The following MCUB variants were observed in gnomAD, a reference collection of about 807,000 sequenced individuals.
MCUB encodes mitochondrial calcium uniporter dominant negative subunit beta, also known as calcium uniporter regulatory subunit MCUb, mitochondrial.
Under a neutral mutation model 41.4 loss-of-function variants are expected in MCUB, and 46 were observed. The ratio of observed to expected loss-of-function variants is 1.11; its 90% confidence interval spans 0.88 to 1.42. The LOEUF is 1.42. Among genes scored for constraint, MCUB ranks in the 40% most tolerant of loss-of-function variants. The probability of loss-of-function intolerance (pLI) is 0.00; values close to 1 mark genes in which losing one functional copy is unlikely to be tolerated. For synonymous variants in MCUB, 148 were observed against 148.2 expected, an observed-to-expected ratio of 1.00 and a Z score of 0.01; for missense variants, 403 against 404.9, an observed-to-expected ratio of 1.00 and a Z score of 0.04.
chr4:109,612,902 C>G (rs185161434), intron 1 of MCUB, among the ~76,000 whole-genome samples: 1 of 152,062 alleles, frequency 6.6e-6, no homozygotes, highest in Non-Finnish European at 1.5e-5. Context: ...GTCAGGAGAT[C>G]AAGACCATCC....
At chr4:109,635,841 C>G (rs755436609) in intron 1 of MCUB, among the ~76,000 whole-genome samples, 1 of 152,176 alleles carries the variant, frequency 6.6e-6, no homozygotes, top group Non-Finnish European at 1.5e-5. Context: ...ATCATTTGTA[C>G]TGATGATGAA....
intron 1 of MCUB, among the ~76,000 whole-genome samples, chr4:109,583,047 C>T (rs1188887525): frequency 6.6e-6 from 1 of 152,164 alleles, no homozygotes; most frequent in Non-Finnish European, 1.5e-5. Flanking sequence ...GCAATGTGGA[C>T]TCTTTTTTGG....
chr4:109,591,203 T>G (rs1229156341), intron 1 of MCUB, among the ~76,000 whole-genome samples: 1 of 151,146 alleles, frequency 6.6e-6, no homozygotes, highest in Non-Finnish European at 1.5e-5. Flanking sequence ...TTTTTTTTCC[T>G]TTGAGACAGT....
chr4:109,599,066 GA>G (rs1395612146), intron 1 of MCUB, among the ~76,000 whole-genome samples: 1 of 152,084 alleles, frequency 6.6e-6, no homozygotes, highest in Non-Finnish European at 1.5e-5. Flanking sequence ...TTCATCTGGG[GA>G]AAAAAGGTGA....
intron 4 of MCUB, among the ~76,000 whole-genome samples, chr4:109,670,483 T>A (rs1348937953): frequency 6.6e-6 from 1 of 152,098 alleles, no homozygotes; most frequent in Non-Finnish European, 1.5e-5. Context: ...TTTGAGAGGC[T>A]GAGGGAGTGG....
chr4:109,609,864 T>C (rs571323745), intron 1 of MCUB, among the ~76,000 whole-genome samples: 2 of 152,128 alleles, frequency 1.3e-5, no homozygotes, highest in Non-Finnish European at 2.9e-5. Context: ...TTCAGTGCAG[T>C]GAGTTCCCCG....
At chr4:109,582,173 T>C (rs1204783194) in intron 1 of MCUB, among the ~76,000 whole-genome samples, 1 of 151,914 alleles carries the variant, frequency 6.6e-6, no homozygotes, top group Admixed American at 6.6e-5. Context: ...GTGGCACATA[T>C]ACACCATGGA....
At chr4:109,616,694 A>G (rs1430647153) in intron 1 of MCUB, among the ~76,000 whole-genome samples, 2 of 152,216 alleles carry the variant, frequency 1.3e-5, no homozygotes, top group Admixed American at 1.3e-4. Flanking sequence ...GCATTCAGAA[A>G]TAACCATATT....
rs138078763 is a variant in MCUB at position 109,589,231 on chromosome 4, C to T, written c.99+28795C>T. 1.6e-3 allele frequency among the ~76,000 whole-genome samples: 238 copies of T among 152,264 alleles called. 1 individual carries two copies. Among genetic ancestry groups the T allele is most frequent in the African/African-American group, 5.2e-3 (215 of 41,550 alleles). The stretch of plus-strand genomic sequence containing the variant: ...GCAGACCATGCCCGGCCCAGTAGTT[C>T]CTCCTTGTGTGAATGAGTAGGGTGG... On this transcript the variant is annotated intron_variant, in intron 1 of 7. Transcript: ENST00000394650.
intron 1 of MCUB, among the ~76,000 whole-genome samples, chr4:109,625,747 A>G (rs1430582775): frequency 1.3e-5 from 2 of 152,210 alleles, no homozygotes; most frequent in Non-Finnish European, 2.9e-5. Flanking sequence ...TGCATTATAT[A>G]GCAAATATAA....
intron 1 of MCUB, among the ~76,000 whole-genome samples, chr4:109,658,352 C>T (rs1292366536): frequency 6.6e-6 from 1 of 151,652 alleles, no homozygotes; most frequent in Non-Finnish European, 1.5e-5. Flanking sequence ...GGCTGGAGTG[C>T]AATGATGGGA....
intron 2 of MCUB, among the ~76,000 whole-genome samples, chr4:109,659,697 C>CTCAGGCTGGAGTGCCACT (rs1165368710): frequency 2.0e-5 from 3 of 152,224 alleles, no homozygotes; most frequent in Admixed American, 6.5e-5. Context: ...AGCTGTGTCA[C>CTCAGGCTGGAGTGCCACT]TCAGGCTGGA....
intron 1 of MCUB, among the ~76,000 whole-genome samples, chr4:109,577,166 T>C (rs1053579232): frequency 5.3e-5 from 8 of 152,346 alleles, no homozygotes; most frequent in Admixed American, 2.0e-4. Context: ...ATTATTTCTT[T>C]ATGGTTCCTT....
At chr4:109,623,030 A>G (rs1047231906) in intron 1 of MCUB, among the ~76,000 whole-genome samples, 2 of 152,166 alleles carry the variant, frequency 1.3e-5, no homozygotes, top group Non-Finnish European at 2.9e-5. Flanking sequence ...GGTGAGAAGA[A>G]GAGGAAGGCA....
At chr4:109,647,715 A>G (rs1451148407) in intron 1 of MCUB, among the ~76,000 whole-genome samples, 2 of 141,762 alleles carry the variant, frequency 1.4e-5, no homozygotes, top group Non-Finnish European at 2.9e-5. Context: ...CATGGAGATT[A>G]AGTAATCTAA....
At chr4:109,673,430 T>C (rs1166411356) in intron 4 of MCUB, among the ~76,000 whole-genome samples, 1 of 152,174 alleles carries the variant, frequency 6.6e-6, no homozygotes, top group Admixed American at 6.5e-5. Context: ...GGGATTGAAC[T>C]CCTAGGGCAG....
intron 1 of MCUB, among the ~76,000 whole-genome samples, chr4:109,604,583 C>T (rs541889292): frequency 7.9e-5 from 12 of 152,114 alleles, no homozygotes; most frequent in African/African-American, 2.9e-4. Flanking sequence ...AGTGGGCATC[C>T]TTGTCGTGTT....
chr4:109,686,493 T>C (rs1208955131), intron 7 of MCUB, among the ~76,000 whole-genome samples: 1 of 152,218 alleles, frequency 6.6e-6, no homozygotes, highest in African/African-American at 2.4e-5. Context: ...AGGAAAAATA[T>C]AATGCTTTTA....
chr4:109,633,883 A>G (rs972897640), intron 1 of MCUB, among the ~76,000 whole-genome samples: 2 of 98,576 alleles, frequency 2.0e-5, no homozygotes, highest in Admixed American at 2.6e-4. Flanking sequence ...CACCCCCACC[A>G]TCCCGCCCAT....
Sources: gnomAD v4.1 joint callset for allele counts (sites outside exome capture counted in the v4.1 genomes callset) on GRCh38, gnomAD v4.1.1 for gene constraint, MANE v1.5 for transcripts, NCBI Gene and HGNC (gene_info 2026-07-23, HGNC 2026-07-21) for gene names.